CACNA1A: variants seen among roughly 807,000 people sequenced by gnomAD.
The protein encoded by CACNA1A is calcium voltage-gated channel subunit alpha1 A.
Under a neutral mutation model 262.4 loss-of-function variants are expected in CACNA1A, and 57 were observed. The ratio of observed to expected loss-of-function variants is 0.22; its 90% CI spans 0.18 to 0.27. The LOEUF (loss-of-function observed/expected upper bound fraction) is 0.27, where lower values mean the gene tolerates loss of function less well. Ranked by LOEUF, CACNA1A falls within the 10% of genes least tolerant of loss-of-function variation. The pLI is 1.00. For synonymous variants in CACNA1A, 1,431 were observed against 1,419.3 expected, an observed-to-expected ratio of 1.01 and a Z score of -0.18; for missense variants, 2,526 against 3,562.8, an observed-to-expected ratio of 0.71 and a Z score of 7.41.
At chr19:13,343,554 T>C (rs1174612641) in intron 6 of CACNA1A, among the ~76,000 whole-genome samples, 1 of 152,070 alleles carries the variant, frequency 6.6e-6, no homozygotes, top group Non-Finnish European at 1.5e-5. Flanking sequence ...ACATGGACAT[T>C]CTCCAAGACA....
At chr19:13,412,648 C>T (rs1196225835) in intron 3 of CACNA1A, among the ~76,000 whole-genome samples, 1 of 150,930 alleles carries the variant, frequency 6.6e-6, no homozygotes, top group Non-Finnish European at 1.5e-5. Context: ...TGACTAATTT[C>T]GTATTTTCAG....
intron 10 of CACNA1A, among the ~76,000 whole-genome samples, chr19:13,329,421 T>A (rs1225764478): frequency 6.6e-6 from 1 of 152,092 alleles, no homozygotes; most frequent in Non-Finnish European, 1.5e-5. Flanking sequence ...TGTGTAATTC[T>A]CTGTTTAATT....
At chr19:13,343,928 A>C (rs550494854) in intron 6 of CACNA1A, among the ~76,000 whole-genome samples, 16 of 152,286 alleles carry the variant, frequency 1.1e-4, no homozygotes, top group Non-Finnish European at 1.8e-4. Context: ...CAAAAAACAG[A>C]GGCCAGATGT....
intron 3 of CACNA1A, among the ~76,000 whole-genome samples, chr19:13,434,704 T>C (rs2060580218): frequency 6.6e-6 from 1 of 152,194 alleles, no homozygotes; most frequent in Admixed American, 6.5e-5. Context: ...GATGCTGCCA[T>C]GCTTTCTGTA....
At chr19:13,361,834 C>T (rs547198675) in intron 5 of CACNA1A, among the ~76,000 whole-genome samples, 53 of 152,304 alleles carry the variant, frequency 3.5e-4, no homozygotes, top group Non-Finnish European at 4.9e-4. Flanking sequence ...CAAAATAAAT[C>T]CATGGGTTCC....
intron 19 of CACNA1A, 54 bp downstream of exon 19, chr19:13,298,490 T>C (rs928469061): frequency 2.1e-6 from 3 of 1,435,026 alleles, no homozygotes; most frequent in Non-Finnish European, 9.5e-7. Context: ...ACTTTGGCTG[T>C]TGTCATTATT....
intron 3 of CACNA1A, among the ~76,000 whole-genome samples, chr19:13,413,895 A>AAGAAAG (rs1183097814): frequency 1.6e-4 from 19 of 119,138 alleles, no homozygotes; most frequent in African/African-American, 7.3e-4. Context: ...GAAAGAAAGA[A>AAGAAAG]AAAGAAAGAA....
intron 12 of CACNA1A, 112 bp downstream of exon 12, chr19:13,312,553 CATCT>C (rs1426765272): frequency 8.2e-5 from 53 of 642,710 alleles, no homozygotes; most frequent in Non-Finnish European, 1.4e-4. Context: ...CTTCTGCATC[CATCT>C]GAGTCTCTCA....
rs1034789795 is a variant in CACNA1A, at chr19:13,506,311, G to A, written c.-87C>T. 3.3e-6 allele frequency: 4 copies of A among 1,221,054 alleles called. No individual in the cohort carries two copies. The highest frequency in any genetic ancestry group is 4.3e-6 in the Non-Finnish European group (4 of 935,870). The allele number at this position is 1,221,054 out of a possible 1,614,324, so 75.6% of individuals were successfully genotyped here. A position where few individuals can be genotyped will look rare whatever the true frequency, so the allele number is the denominator to read the frequency against. ...CGCCGCCGCCGCCGCTGATGCTGAGGCTGCCGGGGCTGGGAGCGCGGCGGC... is the reference window on the plus strand; with the variant it reads ...CGCCGCCGCCGCCGCTGATGCTGAGACTGCCGGGGCTGGGAGCGCGGCGGC... On this transcript the variant is annotated 5_prime_UTR_variant, in exon 1 of 47. Coordinates refer to ENST00000360228, the MANE Select transcript of CACNA1A (RefSeq NM_001127222.2).
intron 4 of CACNA1A, chr19:13,365,689 A>G: frequency 2.1e-6 from 1 of 476,058 alleles, no homozygotes; most frequent in South Asian, 3.3e-5. Flanking sequence ...TTCCTTTGAG[A>G]CAGGGTTTTG....
intron 17 of CACNA1A, 80 bp from the exon 18 acceptor site, chr19:13,300,736 G>A: frequency 2.7e-6 from 3 of 1,106,528 alleles, no homozygotes; most frequent in Non-Finnish European, 4.2e-6. Flanking sequence ...TGCTGACCAG[G>A]GGCAACATTT....
At chr19:13,411,321 C>G (rs1391122364) in intron 3 of CACNA1A, among the ~76,000 whole-genome samples, 1 of 152,134 alleles carries the variant, frequency 6.6e-6, no homozygotes, top group Non-Finnish European at 1.5e-5. Context: ...ACCCAAATCT[C>G]AACTTGAATT....
At position 13,236,895 on chromosome 19, in the gene CACNA1A, T is replaced by G. The variant is rs2055895939; in HGVS notation, c.4951-1165A>C. Among the ~76,000 whole-genome samples the G allele has an allele frequency of 1.3e-5, 2 of 151,266 alleles. No homozygotes were observed. Among genetic ancestry groups the G allele is most frequent in the East Asian group, 2.0e-4 (1 of 5,128 alleles). The stretch of plus-strand genomic sequence containing the variant: ...GCCATTGTGGGGCTTCAAGGGACCT[T>G]GGTGGGGGGGGTGGGACTCTCGAAG... On this transcript the variant is annotated intron_variant, in intron 31 of 46. Transcript: ENST00000360228. The surrounding 1 kb of genome is among the most constrained non-coding windows in gnomAD (Gnocchi z 4.6).
chr19:13,344,407 T>C (rs2058726549), intron 6 of CACNA1A, among the ~76,000 whole-genome samples: 1 of 152,130 alleles, frequency 6.6e-6, no homozygotes, highest in Non-Finnish European at 1.5e-5. Flanking sequence ...GGTCTTGGCT[T>C]GGCCAATTTC....
chr19:13,229,046 A>C, intron 36 of CACNA1A: 1 of 225,526 alleles, frequency 4.4e-6, no homozygotes, highest in Non-Finnish European at 8.1e-6. Flanking sequence ...TCCACAGTCT[A>C]CATGGGCTAC....
chr19:13,209,119 G>T (rs1469283771), intron 45 of CACNA1A, 110 bp from the exon 46 acceptor site: 7 of 1,463,790 alleles, frequency 4.8e-6, no homozygotes, highest in Non-Finnish European at 6.4e-6. Flanking sequence ...GAGATCCCCT[G>T]AACCGAGGCA....
chr19:13,432,103 C>CAA (rs71170513), intron 3 of CACNA1A, among the ~76,000 whole-genome samples: 4,060 of 63,876 alleles, frequency 0.064, 182 homozygotes, highest in East Asian at 0.15. Context: ...GACTCCGTCT[C>CAA]AAAAAAAAAA....
intron 3 of CACNA1A, among the ~76,000 whole-genome samples, chr19:13,429,624 G>A (rs961743000): frequency 1.3e-5 from 2 of 151,550 alleles, no homozygotes. Context: ...CCACTTCTGG[G>A]TCTATATCCA....
At chr19:13,434,284 A>G (rs573756890) in intron 3 of CACNA1A, among the ~76,000 whole-genome samples, 4 of 152,034 alleles carry the variant, frequency 2.6e-5, no homozygotes, top group Non-Finnish European at 5.9e-5. Flanking sequence ...GGCCTCCTGA[A>G]TAGCTGGGAC....
Sources: allele counts gnomAD v4.1 joint callset (sites outside exome capture counted in the v4.1 genomes callset), GRCh38; gene constraint gnomAD v4.1.1; non-coding constraint Gnocchi (gnomAD v3.1); transcripts MANE v1.5; gene names NCBI Gene and HGNC (gene_info 2026-07-23, HGNC 2026-07-21).